Variants in ZBTB11 observed in about 807,000 individuals in gnomAD.
ZBTB11 encodes the protein zinc finger and BTB domain-containing protein 11.
Under a neutral mutation model 113.1 loss-of-function variants are expected in ZBTB11, and 68 were observed. That is an observed-to-expected ratio of 0.60 (90% confidence interval 0.49 to 0.74). The LOEUF is 0.74. Among genes scored for constraint, ZBTB11 ranks in the 30% least tolerant of loss-of-function variants. The pLI, the probability that ZBTB11 is intolerant of heterozygous loss-of-function variation, is 0.00. For synonymous variants in ZBTB11, 518 were observed against 452.6 expected, an observed-to-expected ratio of 1.14 and a Z score of -1.83; for missense variants, 1,104 against 1,279.4, an observed-to-expected ratio of 0.86 and a Z score of 2.09.
Position 101,665,538 on chromosome 3 carries a change from G to T in ZBTB11, c.1049C>A (p.Thr350Asn), listed in dbSNP as rs33957144. Residue 350 changes from threonine (T) to asparagine (N), a missense_variant, in exon 4 of 11, where the codon ACC (threonine) becomes AAC (asparagine). Thr to Asn is a moderately conservative substitution (Grantham distance 65). Coordinates refer to ENST00000312938, the MANE Select transcript of ZBTB11 (RefSeq NM_014415.4). ...AAGTTCAGTAGGTAAACTTGTTGTGGTTCCCTCACTGCTAGCAACAGGAGG... is the reference window on the plus strand; with the variant it reads ...AAGTTCAGTAGGTAAACTTGTTGTGTTTCCCTCACTGCTAGCAACAGGAGG... ...TAPPVASSEG[T>N]TTSLPTELGD... The T allele has an allele frequency of 4.3e-3, 6,974 of 1,614,158 alleles. 28 individuals carry two copies. Among genetic ancestry groups the T allele is most frequent in the Non-Finnish European group, 4.6e-3 (5,431 of 1,180,022 alleles).
chr3:101,664,520 A>G lies in ZBTB11; in HGVS notation c.1800+18T>C. 6.3e-7 allele frequency: 1 copy of G among 1,586,188 alleles called. No individual in the cohort carries two copies. The highest frequency in any genetic ancestry group is 8.5e-7 in the Non-Finnish European group (1 of 1,171,304). On this transcript the variant is annotated intron_variant, in intron 5 of 10. Coordinates refer to ENST00000312938, the MANE Select transcript of ZBTB11 (RefSeq NM_014415.4). ...TTATGAATTAGAGTTACCTTCAATT[A>G]GCTTTCCAAATACTTACTGGACATT...
At chr3:101,671,808 G>A in intron 2 of ZBTB11, 170 bp downstream of exon 2, 1 of 618,956 alleles carries the variant, frequency 1.6e-6, no homozygotes, top group Non-Finnish European at 2.9e-6. Context: ...AAAAATAACA[G>A]GAACATTTAT....
At chr3:101,674,398 T>G (rs567800391) in intron 1 of ZBTB11, among the ~76,000 whole-genome samples, 1 of 151,964 alleles carries the variant, frequency 6.6e-6, no homozygotes, top group East Asian at 1.9e-4. Flanking sequence ...TTTATATGAG[T>G]GTAGATTTAG....
intron 5 of ZBTB11, among the ~76,000 whole-genome samples, chr3:101,661,068 C>T (rs1936878683): frequency 6.6e-6 from 1 of 150,980 alleles, no homozygotes; most frequent in Admixed American, 6.6e-5. Flanking sequence ...CCTGTCTCTA[C>T]AAAAAAAATA....
intron 8 of ZBTB11, among the ~76,000 whole-genome samples, chr3:101,654,242 C>T (rs1313375611): frequency 3.9e-5 from 6 of 152,178 alleles, no homozygotes; most frequent in Admixed American, 3.9e-4. Context: ...GGTTTTGCCA[C>T]GTTGGCCAGG....
rs748836620 is a variant in ZBTB11 at position 101,651,684 on chromosome 3, C to CT, written c.2645-2dup. The CT allele has an allele frequency of 1.8e-5, 24 of 1,343,132 alleles. No individual in the cohort carries two copies. Among genetic ancestry groups the CT allele is most frequent in the East Asian group, 2.7e-5 (1 of 37,500 alleles). The allele number at this position is 1,343,132 out of a possible 1,614,324, so 83.2% of individuals were successfully genotyped here. ...GTTAAGCACTCAAATGGCTTAACTC[C>CT]TAAAAAAAAAAAAAAAAAAGCATGT... On this transcript the variant is annotated splice_acceptor_variant, in intron 10 of 10. Coordinates refer to ENST00000312938, the MANE Select transcript of ZBTB11 (RefSeq NM_014415.4). LOFTEE classifies it high-confidence loss of function.
Position 101,665,082 on chromosome 3 carries a change from G to C in ZBTB11, c.1505C>G (p.Thr502Ser), listed in dbSNP as rs1240745160. 1 of 1,613,904 alleles carries C rather than the reference G, an allele frequency of 6.2e-7. No individual in the cohort carries two copies. The highest frequency in any genetic ancestry group is 2.2e-5 in the East Asian group (1 of 44,888). ...AKTDFGPDDD[T>S]YRSRLRQRSV... Reference sequence around the variant, plus strand: ...ACGTTGTCGAAGCCTGCTTCTATAAGTATCATCATCAGGGCCAAAGTCTGT... The same window carrying C: ...ACGTTGTCGAAGCCTGCTTCTATAACTATCATCATCAGGGCCAAAGTCTGT... The change falls in exon 4 of 11, where the codon ACT becomes AGT. Residue 502 changes from threonine to serine, a missense_variant. This residue lies in a region of ZBTB11 where 535 missense variants were observed against 518.6 expected (regional missense o/e 1.03). Coordinates refer to ENST00000312938, the MANE Select transcript of ZBTB11 (RefSeq NM_014415.4).
intron 1 of ZBTB11, among the ~76,000 whole-genome samples, chr3:101,675,709 T>C (rs1937154061): frequency 6.6e-6 from 1 of 152,242 alleles, no homozygotes; most frequent in African/African-American, 2.4e-5. Flanking sequence ...AAAGTCACAG[T>C]AATCGTACCT....
At chr3:101,662,710 A>T (rs995093275) in intron 5 of ZBTB11, among the ~76,000 whole-genome samples, 12 of 151,984 alleles carry the variant, frequency 7.9e-5, no homozygotes, top group African/African-American at 2.9e-4. Context: ...TATGTTCTGA[A>T]GTTTTTTTCT....
chr3:101,656,269 T>C, intron 6 of ZBTB11, 21 bp from the exon 7 acceptor site: 1 of 1,384,730 alleles, frequency 7.2e-7, no homozygotes, highest in Non-Finnish European at 9.4e-7. Flanking sequence ...ACAGGGGTGA[T>C]TAAGTCAATA....
At chr3:101,673,118 G>A (rs2108328334) in intron 1 of ZBTB11, among the ~76,000 whole-genome samples, 1 of 152,322 alleles carries the variant, frequency 6.6e-6, no homozygotes, top group African/African-American at 2.4e-5. Flanking sequence ...ACTCACAAAA[G>A]ATTTTGAATT....
intron 3 of ZBTB11, 75 bp downstream of exon 3, chr3:101,671,055 T>C: frequency 7.2e-6 from 9 of 1,241,520 alleles, no homozygotes; most frequent in Non-Finnish European, 9.2e-6. Flanking sequence ...AAAGTCCGTG[T>C]GTGGAAGACA....
At chr3:101,666,587 A>T (rs2108324484) in intron 3 of ZBTB11, among the ~76,000 whole-genome samples, 1 of 152,328 alleles carries the variant, frequency 6.6e-6, no homozygotes, top group Non-Finnish European at 1.5e-5. Flanking sequence ...TAAAATTCTC[A>T]GTGATTCACT....
Position 101,651,382 on chromosome 3 carries a change from T to C in ZBTB11, c.2946A>G (p.Glu982=). Residue 982 remains glutamate, a synonymous_variant, in exon 11 of 11, where the codon GAA becomes GAG. Transcript: ENST00000312938. ...CTCCTGTCACTACCACAGTCTCAAG[T>C]TCTTGAGGACCACTGCTTTCTTGTT... The part of the protein sequence containing the change: ...MQEQESSGPQ[E]LETVVVTGET... 2 of 1,614,052 alleles carry C rather than the reference T, an allele frequency of 1.2e-6. No homozygotes were observed. Among genetic ancestry groups the C allele is most frequent in the Non-Finnish European group, 1.7e-6 (2 of 1,179,950 alleles).
At position 101,664,505 on chromosome 3, in the gene ZBTB11, G is replaced by C. The variant is rs138919948; in HGVS notation, c.1800+33C>G. The C allele has an allele frequency of 1.3e-5, 21 of 1,572,976 alleles. No homozygotes were observed. The African/African-American group carries it at 2.1e-4, about 15-fold the overall frequency. The stretch of plus-strand genomic sequence containing the variant: ...GTTGGATTCTATATATTATGAATTA[G>C]AGTTACCTTCAATTAGCTTTCCAAA... On this transcript the variant is annotated intron_variant, in intron 5 of 10. Coordinates refer to ENST00000312938, the MANE Select transcript of ZBTB11 (RefSeq NM_014415.4).
intron 1 of ZBTB11, among the ~76,000 whole-genome samples, chr3:101,672,758 C>T (rs1937102973): frequency 6.6e-6 from 1 of 152,222 alleles, no homozygotes; most frequent in East Asian, 1.9e-4. Context: ...ATGGCTCAAG[C>T]TAATACTTCT....
At chr3:101,661,209 G>GGGACTGTATCCCAGGCTT (rs1246178314) in intron 5 of ZBTB11, among the ~76,000 whole-genome samples, 1 of 148,582 alleles carries the variant, frequency 6.7e-6, no homozygotes, top group Non-Finnish European at 1.5e-5. Flanking sequence ...ACTCCAGCCT[G>GGGACTGTATCCCAGGCTT]GGATACAGAG....
At chr3:101,656,865 G>A (rs997030483) in intron 6 of ZBTB11, among the ~76,000 whole-genome samples, 4 of 152,000 alleles carry the variant, frequency 2.6e-5, no homozygotes, top group African/African-American at 4.8e-5. Context: ...CGGGTGTGGT[G>A]GTTCATGCTG....
chr3:101,672,411 A>G (rs1268255894), intron 1 of ZBTB11, among the ~76,000 whole-genome samples, 198 bp from the exon 2 acceptor site: 1 of 152,260 alleles, frequency 6.6e-6, no homozygotes, highest in Non-Finnish European at 1.5e-5. Flanking sequence ...TCTCCTGCTG[A>G]GGTAATTTTT....
Sources: gnomAD v4.1 joint callset for allele counts (sites outside exome capture counted in the v4.1 genomes callset) on GRCh38, gnomAD v4.1.1 for gene constraint, gnomAD v4.1.1 regional missense constraint, MANE v1.5 for transcripts, NCBI Gene and HGNC (gene_info 2026-07-23, HGNC 2026-07-21) for gene names.